ITIH5: variants seen among roughly 807,000 people sequenced by gnomAD.
ITIH5 encodes inter-alpha-trypsin inhibitor heavy chain H5.
A neutral mutation model predicts 77.5 loss-of-function variants in ITIH5; 65 were observed. The observed-to-expected ratio is 0.84, with a 90% CI of 0.69 to 1.03. ITIH5 has a LOEUF of 1.03. Ranked by LOEUF, ITIH5 falls within the 50% of genes least tolerant of loss-of-function variation. The probability of loss-of-function intolerance (pLI) is 0.00; values close to 1 mark genes in which losing one functional copy is unlikely to be tolerated. For missense variants in ITIH5, 1,208 were observed against 1,213.1 expected (o/e 1.00, Z 0.06); for synonymous variants, 525 against 494.3 (o/e 1.06, Z -0.82).
intron 7 of ITIH5, among the ~76,000 whole-genome samples, chr10:7,592,618 A>G (rs1832815055): frequency 1.3e-5 from 2 of 152,206 alleles, no homozygotes; most frequent in African/African-American, 2.4e-5. Context: ...GACAGACACT[A>G]CTGAGAAAGA....
At chr10:7,666,619 C>T (rs988168423) in intron 1 of ITIH5, among the ~76,000 whole-genome samples, 184 bp downstream of exon 1, 28 of 152,174 alleles carry the variant, frequency 1.8e-4, no homozygotes, top group African/African-American at 6.5e-4. Flanking sequence ...AAGCCTCAGG[C>T]CAGATCAGGC....
rs189165307 is a variant in ITIH5, at chr10:7,644,360, T to C, written c.136-2270A>G. Among the ~76,000 whole-genome samples the C allele has an allele frequency of 3.9e-3, 559 of 144,200 alleles. 15 individuals are homozygous for C. Among genetic ancestry groups the C allele is most frequent in the African/African-American group, 0.01 (389 of 37,934 alleles). The allele number at this position is 144,200 out of a possible 152,430, so 94.6% of individuals were successfully genotyped here. ...TATCACATATATCACATATATATCA[T>C]ATATATCACATATATATCACATATA... On this transcript the variant is annotated intron_variant, in intron 2 of 13. Coordinates refer to ENST00000397146, the MANE Select transcript of ITIH5 (RefSeq NM_030569.7).
intron 5 of ITIH5, among the ~76,000 whole-genome samples, chr10:7,627,827 C>CTTTTT (rs869139058): frequency 1.3e-4 from 12 of 90,802 alleles, no homozygotes; most frequent in Non-Finnish European, 1.8e-4. Context: ...TGAAATTAAC[C>CTTTTT]TTTTTTTTTT....
Position 7,576,689 on chromosome 10 carries a change from G to A in ITIH5, c.1742C>T (p.Thr581Ile), listed in dbSNP as rs1218579716. The change falls in exon 10 of 14, where the codon ACC becomes ATC. Residue 581 changes from threonine (T) to isoleucine (I), a missense_variant. Transcript: ENST00000397146. ...NHIERLWSYL[T>I]TKELLSSWLQ... Reference sequence around the variant, plus strand: ...CCAGGAGCTCAGCAGCTCCTTTGTGGTGAGGTAGCTCCAGAGACGCTCGAT... The same window carrying A: ...CCAGGAGCTCAGCAGCTCCTTTGTGATGAGGTAGCTCCAGAGACGCTCGAT... 2.5e-6 allele frequency: 4 copies of A among 1,614,022 alleles called. No individual in the cohort carries two copies. The highest frequency in any genetic ancestry group is 3.4e-6 in the Non-Finnish European group (4 of 1,180,032).
Position 7,579,903 on chromosome 10 carries a change from G to T in ITIH5, c.1270C>A (p.Arg424=), listed in dbSNP as rs144839179. ...THTLKILNNT[R]EAARGQVCIF... ...CAGACTTGGCCTCGGGCGGCCTCTC[G>T]GGTGTTGTTGAGGATCTTGAGGGTG... is the stretch of plus-strand genomic sequence containing the variant. Residue 424 remains arginine (R), a synonymous_variant, in exon 9 of 14, where the codon CGA becomes AGA. Transcript: ENST00000397146. 790 of 1,614,226 alleles carry T rather than the reference G, an allele frequency of 4.9e-4. 5 individuals carry two copies. In the African/African-American group the frequency reaches 9.3e-3, roughly 19 times the overall value.
chr10:7,592,088 A>G (rs932169060), intron 7 of ITIH5, among the ~76,000 whole-genome samples: 3 of 152,080 alleles, frequency 2.0e-5, no homozygotes, highest in Non-Finnish European at 4.4e-5. Flanking sequence ...CCAGGATGGT[A>G]TCGATCTCTC....
At chr10:7,586,204 G>T (rs1372952687) in intron 7 of ITIH5, 135 bp from the exon 8 acceptor site, 12 of 728,014 alleles carry the variant, frequency 1.6e-5, no homozygotes, top group Non-Finnish European at 2.2e-5. Flanking sequence ...AAGGGCACTT[G>T]GCTGAATGTC....
At chr10:7,625,745 A>G (rs1327919672) in intron 5 of ITIH5, among the ~76,000 whole-genome samples, 1 of 151,134 alleles carries the variant, frequency 6.6e-6, no homozygotes, top group Non-Finnish European at 1.5e-5. Flanking sequence ...TGCCTGGGTA[A>G]CAGAGTGATA....
intron 7 of ITIH5, among the ~76,000 whole-genome samples, chr10:7,601,829 C>A (rs997202124): frequency 4.6e-5 from 7 of 152,128 alleles, no homozygotes; most frequent in African/African-American, 1.4e-4. Flanking sequence ...TTCCTCCTAC[C>A]AAATCTGATA....
intron 8 of ITIH5, among the ~76,000 whole-genome samples, chr10:7,585,357 C>A (rs927077142): frequency 2.6e-5 from 4 of 152,176 alleles, no homozygotes; most frequent in African/African-American, 9.7e-5. Context: ...TGCACCCTTA[C>A]CTGGGCAACA....
chr10:7,617,913 C>T (rs1181893859), intron 5 of ITIH5: 1 of 152,156 alleles, frequency 6.6e-6, no homozygotes, highest in Non-Finnish European at 1.5e-5. Context: ...TCTGCCTCCA[C>T]CTCTTTTGTG....
intron 7 of ITIH5, among the ~76,000 whole-genome samples, chr10:7,604,704 TC>T (rs772755066): frequency 1.3e-5 from 2 of 152,208 alleles, no homozygotes; most frequent in Non-Finnish European, 2.9e-5. Flanking sequence ...GAAAATTGTA[TC>T]CCATCTTCAA....
intron 1 of ITIH5, among the ~76,000 whole-genome samples, chr10:7,666,550 C>T (rs1834364244): frequency 6.6e-6 from 1 of 152,210 alleles, no homozygotes; most frequent in South Asian, 2.1e-4. Context: ...GCGCAATCAA[C>T]AGGAGCCAAG....
intron 1 of ITIH5, among the ~76,000 whole-genome samples, chr10:7,658,881 C>T (rs1415256929): frequency 6.6e-6 from 1 of 152,090 alleles, no homozygotes; most frequent in Admixed American, 6.6e-5. Context: ...GATGTTCATG[C>T]TGGAGGGGTA....
At chr10:7,594,614 G>T (rs200771299) in intron 7 of ITIH5, among the ~76,000 whole-genome samples, 1 of 103,048 alleles carries the variant, frequency 9.7e-6, no homozygotes, top group African/African-American at 3.3e-5. Context: ...CCTGATTCGC[G>T]AGGGGATTAA....
chr10:7,601,300 A>G (rs2131006730), intron 7 of ITIH5, among the ~76,000 whole-genome samples: 1 of 152,258 alleles, frequency 6.6e-6, no homozygotes, highest in South Asian at 2.1e-4. Flanking sequence ...CAATTCAGAG[A>G]GAGGGCCAGC....
At chr10:7,609,459 A>C in intron 7 of ITIH5, 1 of 456,766 alleles carries the variant, frequency 2.2e-6, no homozygotes, top group Non-Finnish European at 4.4e-6. Flanking sequence ...AGCCCTTGGG[A>C]ACCCAATTTT....
At chr10:7,616,746 T>C (rs957712867) in intron 6 of ITIH5, among the ~76,000 whole-genome samples, 1 of 152,146 alleles carries the variant, frequency 6.6e-6, no homozygotes, top group Admixed American at 6.5e-5. Flanking sequence ...GAGAATTGCT[T>C]GAACCTGGGA....
Position 7,579,987 on chromosome 10 carries a change from G to T in ITIH5, c.1186C>A (p.Arg396=), listed in dbSNP as rs185691581. ...AGGAAGACGATGAGGGACACGCTCC[G>T]GTCTCCAATGCCACTGTGGGCCACG... ...KYVAHSGIGD[R]SVSLIVFLTD... Residue 396 remains arginine, a synonymous_variant, in exon 9 of 14, where the codon CGG becomes AGG. Coordinates refer to ENST00000397146, the MANE Select transcript of ITIH5 (RefSeq NM_030569.7). 4.3e-6 allele frequency: 7 copies of T among 1,614,068 alleles called. No homozygotes were observed. The Admixed American group carries it at 1.2e-4, about 27-fold the overall frequency.
Sources: gnomAD v4.1 joint callset for allele counts (sites outside exome capture counted in the v4.1 genomes callset) on GRCh38, gnomAD v4.1.1 for gene constraint, MANE v1.5 for transcripts, NCBI Gene and HGNC (gene_info 2026-07-23, HGNC 2026-07-21) for gene names.